PARD3: variants seen among roughly 807,000 people sequenced by gnomAD.
The protein encoded by PARD3 is partitioning defective 3 homolog.
A neutral mutation model predicts 155.4 loss-of-function variants in PARD3; 75 were observed. The ratio of observed to expected loss-of-function variants is 0.48; its 90% CI spans 0.40 to 0.58. PARD3 has a LOEUF of 0.58. Ranked by LOEUF, PARD3 falls within the 20% of genes least tolerant of loss-of-function variation. PARD3 has a pLI of 0.00. For missense variants in PARD3, 1,642 were observed against 1,721.7 expected, an observed-to-expected ratio of 0.95 and a Z score of 0.82; for synonymous variants, 576 against 610.5, an observed-to-expected ratio of 0.94 and a Z score of 0.83.
chr10:34,626,954 A>G (rs1338146749), intron 2 of PARD3, among the ~76,000 whole-genome samples: 1 of 152,124 alleles, frequency 6.6e-6, no homozygotes, highest in Non-Finnish European at 1.5e-5. Flanking sequence ...TCGCCTGGCT[A>G]TATTTTTATA....
Position 34,595,460 on chromosome 10 carries a change from A to G in PARD3, c.223-78301T>C, listed in dbSNP as rs56401376. Among the ~76,000 whole-genome samples the G allele has an allele frequency of 7.9e-3, 1,201 of 152,310 alleles. 17 individuals carry two copies. Among genetic ancestry groups the G allele is most frequent in the African/African-American group, 0.028 (1,149 of 41,560 alleles). ...AAAATGTGACTACATTCCATAAAGC[A>G]CCTTACAAGGCACAATGCCATCAAT... On this transcript the variant is annotated intron_variant, in intron 2 of 24. Transcript: ENST00000374788.
intron 22 of PARD3, among the ~76,000 whole-genome samples, chr10:34,267,706 AT>A (rs1955393530): frequency 6.6e-6 from 1 of 152,208 alleles, no homozygotes; most frequent in East Asian, 1.9e-4. Flanking sequence ...CCAATAACAC[AT>A]GGATGCTATG....
intron 1 of PARD3, among the ~76,000 whole-genome samples, chr10:34,788,744 C>T (rs1841294097): frequency 6.6e-6 from 1 of 152,094 alleles, no homozygotes; most frequent in Non-Finnish European, 1.5e-5. Context: ...ATTACAGCTC[C>T]ACTAACATAT....
At chr10:34,494,243 AAAGAG>A (rs1295236392) in intron 3 of PARD3, among the ~76,000 whole-genome samples, 1 of 152,234 alleles carries the variant, frequency 6.6e-6, no homozygotes, top group African/African-American at 2.4e-5. Context: ...GGAGAGCACC[AAAGAG>A]AAGTTTTACC....
intron 12 of PARD3, among the ~76,000 whole-genome samples, chr10:34,366,336 C>T (rs1368802021): frequency 6.6e-6 from 1 of 152,132 alleles, no homozygotes; most frequent in Non-Finnish European, 1.5e-5. Context: ...ACCTTCTGAG[C>T]ACATGAGGTA....
intron 3 of PARD3, among the ~76,000 whole-genome samples, chr10:34,483,672 CCTCA>C (rs2079250604): frequency 6.6e-6 from 1 of 152,110 alleles, no homozygotes; most frequent in Non-Finnish European, 1.5e-5. Flanking sequence ...TATCTTTCTT[CCTCA>C]CTGTCTCACC....
At chr10:34,688,992 G>A (rs977123024) in intron 2 of PARD3, among the ~76,000 whole-genome samples, 2 of 152,192 alleles carry the variant, frequency 1.3e-5, no homozygotes, top group Non-Finnish European at 2.9e-5. Flanking sequence ...ATAGCAGCAG[G>A]AGGGGGACTG....
chr10:34,677,463 G>T (rs1258402028), intron 2 of PARD3, among the ~76,000 whole-genome samples: 1 of 148,570 alleles, frequency 6.7e-6, no homozygotes, highest in Non-Finnish European at 1.5e-5. Flanking sequence ...CTGGGCAACA[G>T]ATCTAGACTC....
At chr10:34,187,785 T>C (rs1328074358) in intron 22 of PARD3, among the ~76,000 whole-genome samples, 1 of 152,232 alleles carries the variant, frequency 6.6e-6, no homozygotes, top group African/African-American at 2.4e-5. Context: ...CTGGGCAATG[T>C]TAATTATGCT....
Position 34,718,784 on chromosome 10 carries a change from G to A in PARD3, c.121-22365C>T, listed in dbSNP as rs536767238. ...TCGAGACCAGCCTGACCAACATGGT[G>A]AAACCCTGTCTCTACTAAAAAATAC... On this transcript the variant is annotated intron_variant, in intron 1 of 24. Coordinates refer to ENST00000374788, the MANE Select transcript of PARD3 (RefSeq NM_001184785.2). 3.3e-5 allele frequency among the ~76,000 whole-genome samples: 5 copies of A among 152,276 alleles called. No individual in the cohort carries two copies. In the South Asian group the frequency reaches 1.0e-3, roughly 32 times the overall value.
At chr10:34,773,022 A>G (rs996910450) in intron 1 of PARD3, among the ~76,000 whole-genome samples, 1 of 152,160 alleles carries the variant, frequency 6.6e-6, no homozygotes, top group Non-Finnish European at 1.5e-5. Context: ...AGCAGTTTGT[A>G]GAACCACACG....
chr10:34,429,625 G>A (rs774133951), intron 5 of PARD3, among the ~76,000 whole-genome samples: 10 of 151,776 alleles, frequency 6.6e-5, no homozygotes, highest in Non-Finnish European at 1.5e-4. Flanking sequence ...TTGCACTGTT[G>A]CCCGCGCTGG....
chr10:34,347,732 C>T (rs189268002), intron 15 of PARD3, among the ~76,000 whole-genome samples: 3 of 152,228 alleles, frequency 2.0e-5, no homozygotes, highest in East Asian at 1.9e-4. Flanking sequence ...TTGGTTGCTT[C>T]GTCATGTTAC....
intron 2 of PARD3, among the ~76,000 whole-genome samples, chr10:34,621,108 A>G (rs1003743268): frequency 6.6e-6 from 1 of 152,256 alleles, no homozygotes; most frequent in Non-Finnish European, 1.5e-5. Flanking sequence ...CTCTAGTCTA[A>G]GGTTTGCGCA....
chr10:34,353,135 G>T (rs1173280195), intron 14 of PARD3, among the ~76,000 whole-genome samples: 1 of 152,048 alleles, frequency 6.6e-6, no homozygotes, highest in African/African-American at 2.4e-5. Flanking sequence ...GAAGTGGGGG[G>T]CAGCCCCCGC....
At chr10:34,809,951 G>A (rs186422637) in intron 1 of PARD3, among the ~76,000 whole-genome samples, 171 of 152,206 alleles carry the variant, frequency 1.1e-3, no homozygotes, top group African/African-American at 4.0e-3. Flanking sequence ...ATAACATGCA[G>A]TCATACATTT....
intron 5 of PARD3, among the ~76,000 whole-genome samples, chr10:34,427,577 C>T (rs898182178): frequency 6.6e-6 from 1 of 152,164 alleles, no homozygotes; most frequent in Non-Finnish European, 1.5e-5. Context: ...TGTGACCTCG[C>T]CCTGACCTCC....
chr10:34,331,485 A>G (rs1835608909), intron 18 of PARD3, 141 bp from the exon 19 acceptor site: 5 of 559,478 alleles, frequency 8.9e-6, no homozygotes, highest in Non-Finnish European at 1.3e-5. Context: ...AAGACAAAGA[A>G]TAAATGAAGT....
At chr10:34,253,633 A>G (rs1954461066) in intron 22 of PARD3, among the ~76,000 whole-genome samples, 1 of 152,202 alleles carries the variant, frequency 6.6e-6, no homozygotes, top group South Asian at 2.1e-4. Flanking sequence ...CCATGAGTGT[A>G]GAGGCTAAGC....
Sources: gnomAD v4.1 joint callset for allele counts (sites outside exome capture counted in the v4.1 genomes callset) on GRCh38, gnomAD v4.1.1 for gene constraint, MANE v1.5 for transcripts, NCBI Gene and HGNC (gene_info 2026-07-23, HGNC 2026-07-21) for gene names.